The following SLC25A31 variants were observed in gnomAD, a reference collection of about 807,000 sequenced individuals.
SLC25A31 encodes solute carrier family 25 member 31, also known as ADP/ATP translocase 4.
A neutral mutation model predicts 36.2 loss-of-function variants in SLC25A31; 40 were observed. The ratio of observed to expected loss-of-function variants is 1.10; its 90% CI spans 0.86 to 1.44. The LOEUF (loss-of-function observed/expected upper bound fraction) is 1.44. Among genes scored for constraint, SLC25A31 ranks in the 40% most tolerant of loss-of-function variants. SLC25A31 has a pLI of 0.00. For synonymous variants in SLC25A31, 143 were observed against 149.7 expected, an observed-to-expected ratio of 0.96 and a Z score of 0.32; for missense variants, 350 against 397.1, an observed-to-expected ratio of 0.88 and a Z score of 1.01.
At position 127,770,949 on chromosome 4, in the gene SLC25A31, CTT is replaced by C. The variant is rs558206857; in HGVS notation, c.759+2095_759+2096del. Among the ~76,000 whole-genome samples the C allele has an allele frequency of 2.9e-3, 232 of 80,824 alleles. 2 individuals are homozygous for C. The Middle Eastern group carries it at 0.047, about 16-fold the overall frequency. The allele number at this position is 80,824 out of a possible 152,430, so 53.0% of individuals were successfully genotyped here. A position where few individuals can be genotyped will look rare whatever the true frequency, so the allele number is the denominator to read the frequency against. ...GGGTTCCTCCTCTGTTCTTCTTCTT[CTT>C]TTTTTTTTTTTTTTTTTTTTTTGGA... is the stretch of plus-strand genomic sequence containing the variant. On this transcript the variant is annotated intron_variant, in intron 5 of 5. Coordinates refer to ENST00000281154, the MANE Select transcript of SLC25A31 (RefSeq NM_031291.4).
intron 2 of SLC25A31, among the ~76,000 whole-genome samples, chr4:127,763,866 G>A (rs1000422330): frequency 2.0e-5 from 3 of 152,012 alleles, no homozygotes; most frequent in Non-Finnish European, 2.9e-5. Flanking sequence ...ATATGTGCCT[G>A]ACATTGTAAT....
intron 1 of SLC25A31, among the ~76,000 whole-genome samples, chr4:127,743,639 A>C (rs1243941681): frequency 6.6e-6 from 1 of 152,248 alleles, no homozygotes; most frequent in African/African-American, 2.4e-5. Context: ...AGCTATGAGT[A>C]CTGAGAAGAT....
At chr4:127,759,780 A>G (rs947860329) in intron 2 of SLC25A31, among the ~76,000 whole-genome samples, 2 of 152,208 alleles carry the variant, frequency 1.3e-5, no homozygotes, top group African/African-American at 4.8e-5. Context: ...ATGCCATTGA[A>G]TTGTACACTT....
At chr4:127,732,999 G>A (rs759911803) in intron 1 of SLC25A31, among the ~76,000 whole-genome samples, 30 of 152,200 alleles carry the variant, frequency 2.0e-4, no homozygotes, top group Non-Finnish European at 3.5e-4. Flanking sequence ...CAACCTGAAT[G>A]ACTTTTAGAT....
In SLC25A31 at chr4:127,730,594, G is replaced by C. The variant is rs1328002457; in HGVS notation, c.49G>C (p.Ala17Pro). 1.2e-6 allele frequency: 2 copies of C among 1,614,066 alleles called. No individual in the cohort carries two copies. Among genetic ancestry groups the C allele is most frequent in the Non-Finnish European group, 8.5e-7 (1 of 1,179,944 alleles). The change falls in exon 1 of 6, where the codon GCC (alanine) becomes CCC (proline). Residue 17 changes from alanine (A) to proline (P), a missense_variant. Transcript: ENST00000281154. ...GAAGGCAGAAAAGCGGCTGTTTGACGCCTCATCCTTCGGGAAGGACCTTCT... is the reference window on the plus strand; with the variant it reads ...GAAGGCAGAAAAGCGGCTGTTTGACCCCTCATCCTTCGGGAAGGACCTTCT... The part of the protein sequence containing the change: ...KKKAEKRLFD[A>P]SSFGKDLLAG...
intron 2 of SLC25A31, among the ~76,000 whole-genome samples, chr4:127,755,800 A>G (rs1362561106): frequency 6.6e-6 from 1 of 152,176 alleles, no homozygotes; most frequent in East Asian, 1.9e-4. Context: ...TTGATAGGCC[A>G]AGGCGGGCGG....
chr4:127,768,234 G>A (rs546162193), intron 4 of SLC25A31, among the ~76,000 whole-genome samples: 1 of 151,990 alleles, frequency 6.6e-6, no homozygotes, highest in Admixed American at 6.5e-5. Context: ...TCAGTTTTTA[G>A]TGTATTTTTT....
chr4:127,735,892 A>ATTTTTTTTT (rs869204653), intron 1 of SLC25A31, among the ~76,000 whole-genome samples: 1 of 38,684 alleles, frequency 2.6e-5, no homozygotes, highest in Non-Finnish European at 5.2e-5. Context: ...TTATTTATTT[A>ATTTTTTTTT]TTTATTTTTT....
chr4:127,731,291 AC>A (rs1731520881), intron 1 of SLC25A31, among the ~76,000 whole-genome samples: 1 of 152,048 alleles, frequency 6.6e-6, no homozygotes, highest in Non-Finnish European at 1.5e-5. Context: ...GTACTCTGAA[AC>A]CTATTAGTGA....
At chr4:127,755,948 G>A (rs899118290) in intron 2 of SLC25A31, among the ~76,000 whole-genome samples, 5 of 151,816 alleles carry the variant, frequency 3.3e-5, no homozygotes, top group African/African-American at 7.3e-5. Flanking sequence ...CAGGAGAATC[G>A]CTTGAACCCA....
At position 127,773,576 on chromosome 4, in the gene SLC25A31, C is replaced by A; in HGVS notation, c.*2C>A. 2 of 1,563,286 alleles carry A rather than the reference C, an allele frequency of 1.3e-6. No individual in the cohort carries two copies. Among genetic ancestry groups the A allele is most frequent in the South Asian group, 1.2e-5 (1 of 82,554 alleles). ...CATATTGATATTGGTGGTAGGTAAT[C>A]GGGAGAGTAAATTAAGAAATACATG... On this transcript the variant is annotated 3_prime_UTR_variant, in exon 6 of 6. Transcript: ENST00000281154.
chr4:127,735,688 C>T (rs1192255488), intron 1 of SLC25A31, among the ~76,000 whole-genome samples: 1 of 150,322 alleles, frequency 6.7e-6, no homozygotes, highest in African/African-American at 2.4e-5. Context: ...TACAGATGTA[C>T]ATAATATGGT....
chr4:127,744,933 G>A, intron 2 of SLC25A31, 134 bp downstream of exon 2: 1 of 643,014 alleles, frequency 1.6e-6, no homozygotes, highest in Non-Finnish European at 2.3e-6. Flanking sequence ...TCTTAACTGT[G>A]ATGTTTTATT....
intron 1 of SLC25A31, among the ~76,000 whole-genome samples, chr4:127,733,666 T>A (rs1731571844): frequency 6.6e-6 from 1 of 152,220 alleles, no homozygotes; most frequent in Non-Finnish European, 1.5e-5. Context: ...AACATAAATT[T>A]CTTGCAATTT....
intron 2 of SLC25A31, among the ~76,000 whole-genome samples, chr4:127,746,034 A>G (rs1731820546): frequency 6.6e-6 from 1 of 152,024 alleles, no homozygotes; most frequent in Non-Finnish European, 1.5e-5. Flanking sequence ...TTTAGCTCCC[A>G]CTTACAAGTG....
intron 4 of SLC25A31, among the ~76,000 whole-genome samples, 188 bp from the exon 5 acceptor site, chr4:127,768,562 TAC>T (rs1253028941): frequency 6.6e-6 from 1 of 152,156 alleles, no homozygotes; most frequent in Non-Finnish European, 1.5e-5. Context: ...TTTTGAAATA[TAC>T]CTTTGAAATA....
At chr4:127,730,976 G>C (rs988621978) in intron 1 of SLC25A31, among the ~76,000 whole-genome samples, 199 bp downstream of exon 1, 4 of 152,202 alleles carry the variant, frequency 2.6e-5, no homozygotes, top group African/African-American at 9.6e-5. Context: ...CGTTGGTCCT[G>C]ACCAAGTCCT....
At position 127,768,809 on chromosome 4, in the gene SLC25A31, G is replaced by A; in HGVS notation, c.691G>A (p.Val231Ile). ...TCTTGTCTCCTTTTTCATTGCTCAAGTTGTGACTACATGCTCTGGAATACT... is the reference window on the plus strand; with the variant it reads ...TCTTGTCTCCTTTTTCATTGCTCAAATTGTGACTACATGCTCTGGAATACT... ...PFLVSFFIAQ[V>I]VTTCSGILSY... The change falls in exon 5 of 6, where the codon GTT becomes ATT. Residue 231 changes from valine (V) to isoleucine (I), a missense_variant. Physicochemically the swap from Val to Ile is conservative, Grantham distance 29. Coordinates refer to ENST00000281154, the MANE Select transcript of SLC25A31 (RefSeq NM_031291.4). 1 of 1,608,928 alleles carries A rather than the reference G, an allele frequency of 6.2e-7. No homozygotes were observed. Among genetic ancestry groups the A allele is most frequent in the Non-Finnish European group, 8.5e-7 (1 of 1,177,638 alleles).
chr4:127,749,708 C>CAAAAAAAAAAAAAAAAAAAAAAAA (rs34540386), intron 2 of SLC25A31, among the ~76,000 whole-genome samples: 10 of 106,150 alleles, frequency 9.4e-5, no homozygotes, highest in African/African-American at 3.6e-4. Context: ...GACTCCATCT[C>CAAAAAAAAAAAAAAAAAAAAAAAA]AAAAAAAAAA....
Sources: allele counts gnomAD v4.1 joint callset (sites outside exome capture counted in the v4.1 genomes callset), GRCh38; gene constraint gnomAD v4.1.1; transcripts MANE v1.5; gene names NCBI Gene and HGNC (gene_info 2026-07-23, HGNC 2026-07-21).